Variants in ECHDC1 observed in about 807,000 individuals in gnomAD.
ECHDC1 encodes the protein ethylmalonyl-CoA decarboxylase.
A neutral mutation model predicts 29.7 loss-of-function variants in ECHDC1; 29 were observed. The observed-to-expected ratio is 0.98, with a 90% CI of 0.73 to 1.33. The LOEUF (loss-of-function observed/expected upper bound fraction) is 1.33. ECHDC1 is among the 40% of genes most tolerant of loss of function. The pLI is 0.00. For missense variants in ECHDC1, 328 were observed against 350.0 expected (o/e 0.94, Z 0.50); for synonymous variants, 126 against 123.1 (o/e 1.02, Z -0.15).
chr6:127,309,602 G>A (rs967331000), intron 5 of ECHDC1, among the ~76,000 whole-genome samples: 3 of 151,696 alleles, frequency 2.0e-5, no homozygotes, highest in African/African-American at 7.3e-5. Flanking sequence ...GAAAACACTG[G>A]CGAAAATCTT....
chr6:127,329,573 T>C (rs1245230241), intron 2 of ECHDC1, among the ~76,000 whole-genome samples: 2 of 152,196 alleles, frequency 1.3e-5, no homozygotes, highest in Non-Finnish European at 2.9e-5. Context: ...CACCTGTGTG[T>C]ACTGAGCACT....
At chr6:127,305,229 CTT>C (rs1308967571) in intron 5 of ECHDC1, among the ~76,000 whole-genome samples, 1 of 152,156 alleles carries the variant, frequency 6.6e-6, no homozygotes, top group East Asian at 1.9e-4. Context: ...TGGGAGAAGA[CTT>C]TTCAGTGAAA....
At chr6:127,322,340 A>G (rs1782901492) in intron 3 of ECHDC1, among the ~76,000 whole-genome samples, 1 of 152,136 alleles carries the variant, frequency 6.6e-6, no homozygotes, top group African/African-American at 2.4e-5. Flanking sequence ...TTTTAAATAA[A>G]ATAAGATTCT....
At chr6:127,338,398 T>C (rs1157087503) in intron 1 of ECHDC1, among the ~76,000 whole-genome samples, 1 of 152,150 alleles carries the variant, frequency 6.6e-6, no homozygotes, top group African/African-American at 2.4e-5. Flanking sequence ...TTAAATTTAA[T>C]GTATAATCTT....
rs755883205 is a variant in ECHDC1 at position 127,330,995 on chromosome 6, A to T, written c.34T>A (p.Ser12Thr). 5 of 1,613,680 alleles carry T rather than the reference A, an allele frequency of 3.1e-6. No individual in the cohort carries two copies. Among genetic ancestry groups the T allele is most frequent in the Non-Finnish European group, 4.2e-6 (5 of 1,180,040 alleles). The stretch of plus-strand genomic sequence containing the variant: ...TGATGTAGCAATTTTGTCCTTCCAG[A>T]CAGAGAGGCTGTCTTCAAAAGACTT... ...AKSLLKTASL[S>T]GRTKLLHQTG... is the part of the protein sequence containing the mutation. Residue 12 changes from serine (S) to threonine (T), a missense_variant, in exon 2 of 6, where the codon TCT (serine) becomes ACT (threonine). Transcript: ENST00000454859.
At chr6:127,299,845 T>C (rs1305482986) in intron 5 of ECHDC1, among the ~76,000 whole-genome samples, 1 of 152,202 alleles carries the variant, frequency 6.6e-6, no homozygotes, top group Admixed American at 6.5e-5. Context: ...ATATGAGCAT[T>C]CAATTTTTTA....
intron 5 of ECHDC1, among the ~76,000 whole-genome samples, chr6:127,307,814 T>C (rs1781574072): frequency 6.7e-6 from 1 of 149,172 alleles, no homozygotes; most frequent in Non-Finnish European, 1.5e-5. Context: ...AAAGGAGACA[T>C]TATAACTGAT....
intron 1 of ECHDC1, chr6:127,342,276 T>G: frequency 7.0e-7 from 1 of 1,432,490 alleles, no homozygotes; most frequent in African/African-American, 1.4e-5. Context: ...AAGATAATAT[T>G]CTTAAGACTA....
chr6:127,290,219 T>A lies in ECHDC1; in HGVS notation c.556A>T (p.Ser186Cys). The change falls in exon 6 of 6, where the codon AGC (serine) becomes TGC (cysteine). Residue 186 changes from serine to cysteine, a missense_variant. Coordinates refer to ENST00000454859, the MANE Select transcript of ECHDC1 (RefSeq NM_001002030.2). ...FVHKEMGIIP[S>C]WGGTTRLVEI... is the part of the protein sequence containing the mutation. ...ACTAGCCGGGTGGTGCCACCCCAGCTTGGTATTATGCCCATCTCTTTGTGG... is the reference window on the plus strand; with the variant it reads ...ACTAGCCGGGTGGTGCCACCCCAGCATGGTATTATGCCCATCTCTTTGTGG... The A allele has an allele frequency of 6.2e-7, 1 of 1,613,618 alleles. No individual in the cohort carries two copies. Among genetic ancestry groups the A allele is most frequent in the South Asian group, 1.1e-5 (1 of 91,062 alleles).
chr6:127,306,706 C>G (rs1323886667), intron 5 of ECHDC1, among the ~76,000 whole-genome samples: 1 of 152,088 alleles, frequency 6.6e-6, no homozygotes, highest in African/African-American at 2.4e-5. Flanking sequence ...TATAAATTAC[C>G]CAGTCTCAGG....
intron 3 of ECHDC1, among the ~76,000 whole-genome samples, chr6:127,320,815 G>A (rs3823042): frequency 0.13 from 19,675 of 152,014 alleles, 1,716 homozygotes; most frequent in Non-Finnish European, 0.18. Context: ...CTGCCTAATA[G>A]GGACAGTTGG....
At chr6:127,309,671 C>T (rs548796578) in intron 5 of ECHDC1, among the ~76,000 whole-genome samples, 139 of 152,180 alleles carry the variant, frequency 9.1e-4, no homozygotes, top group African/African-American at 3.2e-3. Flanking sequence ...CTTTCTCACA[C>T]TGCTATTAAG....
chr6:127,329,699 CAT>C (rs1783736118), intron 2 of ECHDC1: 1 of 297,262 alleles, frequency 3.4e-6, no homozygotes, highest in Non-Finnish European at 6.6e-6. Flanking sequence ...ATATTAGTGA[CAT>C]ATTGAAAAAA....
intron 5 of ECHDC1, among the ~76,000 whole-genome samples, chr6:127,305,975 T>G (rs1270225331): frequency 7.0e-6 from 1 of 143,762 alleles, no homozygotes; most frequent in Non-Finnish European, 1.5e-5. Context: ...GTACATGGAC[T>G]AAACTCTCCA....
At chr6:127,318,759 A>G (rs969126316) in intron 3 of ECHDC1, among the ~76,000 whole-genome samples, 1 of 152,208 alleles carries the variant, frequency 6.6e-6, no homozygotes, top group Admixed American at 6.5e-5. Context: ...TGAACTTAAA[A>G]AAATTAGATG....
intron 1 of ECHDC1, among the ~76,000 whole-genome samples, chr6:127,333,226 G>A (rs1298996600): frequency 7.2e-5 from 11 of 152,222 alleles, no homozygotes; most frequent in Non-Finnish European, 1.3e-4. Flanking sequence ...GACAAACTGG[G>A]AAGGAGGTAT....
At chr6:127,330,553 GATTA>G (rs1414013537) in intron 2 of ECHDC1, among the ~76,000 whole-genome samples, 3 of 152,124 alleles carry the variant, frequency 2.0e-5, no homozygotes, top group Admixed American at 1.3e-4. Context: ...ATATAATCAA[GATTA>G]ATTTAGATTT....
chr6:127,298,452 T>A (rs761633789), intron 5 of ECHDC1, among the ~76,000 whole-genome samples: 1 of 152,162 alleles, frequency 6.6e-6, no homozygotes, highest in Non-Finnish European at 1.5e-5. Context: ...AATTAGAAAG[T>A]AGAATCAAGG....
intron 5 of ECHDC1, among the ~76,000 whole-genome samples, chr6:127,296,095 T>A (rs138530204): frequency 4.4e-4 from 67 of 152,362 alleles, no homozygotes; most frequent in African/African-American, 1.6e-3. Flanking sequence ...GCATGAACTT[T>A]TCTATAACCT....
Sources: allele counts gnomAD v4.1 joint callset (sites outside exome capture counted in the v4.1 genomes callset), GRCh38; gene constraint gnomAD v4.1.1; transcripts MANE v1.5; gene names NCBI Gene and HGNC (gene_info 2026-07-23, HGNC 2026-07-21).